Variants in ACTN1 observed in about 807,000 individuals in gnomAD.
ACTN1 encodes actinin alpha 1, also known as alpha-actinin-1.
ACTN1 carries 30 observed loss-of-function variants against 119.6 expected under a neutral mutation model. The ratio of observed to expected loss-of-function variants is 0.25; its 90% CI spans 0.19 to 0.34. The LOEUF is 0.34. Ranked by LOEUF, ACTN1 falls within the 10% of genes least tolerant of loss-of-function variation. ACTN1 has a pLI of 1.00. For missense variants in ACTN1, 764 were observed against 1,223.4 expected, an observed-to-expected ratio of 0.62 and a Z score of 5.60; for synonymous variants, 429 against 472.6, an observed-to-expected ratio of 0.91 and a Z score of 1.20.
At chr14:68,904,448 G>A (rs890134666) in intron 7 of ACTN1, among the ~76,000 whole-genome samples, 2 of 152,170 alleles carry the variant, frequency 1.3e-5, no homozygotes, top group African/African-American at 4.8e-5. Context: ...TAAGACCTTT[G>A]CAGAATCAAC....
In ACTN1 at chr14:68,909,709, G is replaced by A. The variant is rs2033887352; in HGVS notation, c.515+246C>T. On this transcript the variant is annotated intron_variant, in intron 5 of 21. Coordinates refer to ENST00000394419, the MANE Select transcript of ACTN1 (RefSeq NM_001130004.2). The surrounding 1 kb of genome is among the most constrained non-coding windows in gnomAD (Gnocchi z 4.1). ...GGGACTTCCTGGACAATTTCCTTGG[G>A]GGCGCTCCCAGTAGCAAAAGCATCA... Among the ~76,000 whole-genome samples the A allele has an allele frequency of 6.6e-6, 1 of 152,152 alleles. No individual in the cohort carries two copies. The highest frequency in any genetic ancestry group is 2.1e-4 in the South Asian group (1 of 4,822).
intron 16 of ACTN1, chr14:68,881,257 G>A (rs2031481734): frequency 2.5e-6 from 1 of 401,622 alleles, no homozygotes; most frequent in Non-Finnish European, 4.5e-6. Flanking sequence ...GCCTCAGAAA[G>A]GGGATGCAGG....
chr14:68,893,741 T>A lies in ACTN1; in HGVS notation c.769A>T (p.Thr257Ser). The A allele has an allele frequency of 6.2e-7, 1 of 1,613,836 alleles. No individual in the cohort carries two copies. Among genetic ancestry groups the A allele is most frequent in the Non-Finnish European group, 8.5e-7 (1 of 1,179,980 alleles). Residue 257 changes from threonine (T) to serine (S), a missense_variant, in exon 9 of 22, where the codon ACA becomes TCA. Physicochemically the swap from Thr to Ser is moderately conservative, Grantham distance 58. Coordinates refer to ENST00000394419, the MANE Select transcript of ACTN1 (RefSeq NM_001130004.2). ...HAFSGAQKAE[T>S]AANRICKVLA... is the part of the protein sequence containing the mutation. The stretch of plus-strand genomic sequence containing the variant: ...ACCTTGCAGATGCGATTGGCTGCTG[T>A]CTCCGCCTGGCAACAAGACAGAGAG...
chr14:68,901,188 ATTTTTTTTTTGTTTTATGG>A (rs2033288098), intron 8 of ACTN1, among the ~76,000 whole-genome samples: 1 of 130,020 alleles, frequency 7.7e-6, no homozygotes, highest in African/African-American at 2.8e-5. Context: ...CCCATCATGC[ATTTTTTTTTTGTTTTATGG>A]TTTTTTTTTG....
chr14:68,944,535 A>G (rs2035867859), intron 1 of ACTN1, among the ~76,000 whole-genome samples: 2 of 152,222 alleles, frequency 1.3e-5, no homozygotes, highest in Admixed American at 1.3e-4. Context: ...CCTGCAGTCT[A>G]ATGGAGAAGA....
At position 68,937,262 on chromosome 14, in the gene ACTN1, T is replaced by C. The variant is rs182430384; in HGVS notation, c.106-11590A>G. Among the ~76,000 whole-genome samples the C allele has an allele frequency of 3.3e-3, 496 of 152,256 alleles. 1 individual carries two copies. The highest frequency in any genetic ancestry group is 5.6e-3 in the Non-Finnish European group (380 of 68,030). On this transcript the variant is annotated intron_variant, in intron 1 of 21. Transcript: ENST00000394419. ...AAAAAAAAGAAAAAAGAAAAGTCTGTCTGGGAATATATACATTTAATTGTT... is the reference window on the plus strand; with the variant it reads ...AAAAAAAAGAAAAAAGAAAAGTCTGCCTGGGAATATATACATTTAATTGTT...
intron 1 of ACTN1, among the ~76,000 whole-genome samples, chr14:68,968,772 A>C (rs2036784195): frequency 6.6e-6 from 1 of 152,200 alleles, no homozygotes; most frequent in Admixed American, 6.5e-5. Context: ...TTTACCTCCT[A>C]CTAAGCCATC....
At position 68,874,941 on chromosome 14, in the gene ACTN1, G is replaced by A. The variant is rs77499007; in HGVS notation, c.2663C>T (p.Pro888Leu). The A allele has an allele frequency of 0.023, 37,192 of 1,613,318 alleles. 525 individuals are homozygous for A. The highest frequency in any genetic ancestry group is 0.025 in the Non-Finnish European group (30,039 of 1,179,582). Residue 888 changes from proline to leucine, a missense_variant, in exon 22 of 22, where the codon CCC becomes CTC. Physicochemically the swap from Pro to Leu is moderately conservative, Grantham distance 98. Coordinates refer to ENST00000394419, the MANE Select transcript of ACTN1 (RefSeq NM_001130004.2). ...TGGCACGGAGTCGGGGCCGGTGTAGGGGGCCATCCGCGCGATGCAGTACTC... is the reference window on the plus strand; with the variant it reads ...TGGCACGGAGTCGGGGCCGGTGTAGAGGGCCATCCGCGCGATGCAGTACTC... ...QAEYCIARMA[P>L]YTGPDSVPGA... is the part of the protein sequence containing the mutation.
At chr14:68,883,307 G>T in intron 14 of ACTN1, 1 of 460,196 alleles carries the variant, frequency 2.2e-6, no homozygotes, top group Non-Finnish European at 3.9e-6. Flanking sequence ...CCACCTCACA[G>T]GTCAGGGAGA....
Position 68,879,602 on chromosome 14 carries a change from A to AGGGGCC in ACTN1, c.2280+354_2280+359dup, listed in dbSNP as rs2031299086. Among the ~76,000 whole-genome samples the AGGGGCC allele has an allele frequency of 4.6e-5, 7 of 152,128 alleles. No individual in the cohort carries two copies. The highest frequency in any genetic ancestry group is 4.6e-4 in the Admixed American group (7 of 15,278). On this transcript the variant is annotated intron_variant, in intron 18 of 21. Transcript: ENST00000394419. The surrounding 1 kb of genome is among the most constrained non-coding windows in gnomAD (Gnocchi z 4.9). ...GGCCACTGGAGGTCGGGGTAGGGGT[A>AGGGGCC]GGGGCCAGCGAGGGCAGGAGGAGTC...
chr14:68,962,334 T>C (rs972383211), intron 1 of ACTN1, among the ~76,000 whole-genome samples: 1 of 152,086 alleles, frequency 6.6e-6, no homozygotes, highest in African/African-American at 2.4e-5. Flanking sequence ...AGTGAGCTCA[T>C]TCCCTTCCAG....
At chr14:68,899,110 TCCA>T (rs1241984820) in intron 8 of ACTN1, among the ~76,000 whole-genome samples, 1 of 62,544 alleles carries the variant, frequency 1.6e-5, no homozygotes, top group African/African-American at 6.6e-5. Context: ...ACCATACCCC[TCCA>T]CACCACAACC....
At chr14:68,922,460 C>T (rs1355790119) in intron 2 of ACTN1, among the ~76,000 whole-genome samples, 2 of 152,242 alleles carry the variant, frequency 1.3e-5, no homozygotes, top group Non-Finnish European at 2.9e-5. Context: ...TATTTCCTGT[C>T]CGGGGGGAGA....
At position 68,925,417 on chromosome 14, in the gene ACTN1, G is replaced by T. The variant is rs1256608621; in HGVS notation, c.220+141C>A. 2 of 378,134 alleles carry T rather than the reference G, an allele frequency of 5.3e-6. No homozygotes were observed. Among genetic ancestry groups the T allele is most frequent in the African/African-American group, 2.2e-5 (1 of 44,954 alleles). The allele number at this position is 378,134 out of a possible 1,614,324, so 23.4% of individuals were successfully genotyped here. Reference sequence around the variant, plus strand: ...CAGCAGAACCAGAACTCAGACCCACGCTCCTAGGATGAATTCATACATGTC... The same window carrying T: ...CAGCAGAACCAGAACTCAGACCCACTCTCCTAGGATGAATTCATACATGTC... On this transcript the variant is annotated intron_variant, in intron 2 of 21. Transcript: ENST00000394419. This position sits in a 1 kb window ranked among gnomAD's most constrained non-coding sequence, Gnocchi z 4.3.
At chr14:68,891,182 A>G (rs127850) in intron 10 of ACTN1, among the ~76,000 whole-genome samples, 79,886 of 151,484 alleles carry the variant, frequency 0.53, 21,977 homozygotes, top group East Asian at 0.85. Flanking sequence ...TCATGTGCCC[A>G]TGACACTCCT....
chr14:68,902,400 G>T, intron 8 of ACTN1, 77 bp downstream of exon 8: 1 of 1,225,136 alleles, frequency 8.2e-7, no homozygotes, highest in South Asian at 1.2e-5. Context: ...AGGAGAGGTG[G>T]AGGCGGGCAG....
rs1373899213 is a variant in ACTN1 at position 68,878,904 on chromosome 14, G to C, written c.2361+85C>G. 6.2e-7 allele frequency: 1 copy of C among 1,604,118 alleles called. No homozygotes were observed. Among genetic ancestry groups the C allele is most frequent in the Non-Finnish European group, 8.5e-7 (1 of 1,178,840 alleles). On this transcript the variant is annotated intron_variant, in intron 19 of 21. Transcript: ENST00000394419. This position sits in a 1 kb window ranked among gnomAD's most constrained non-coding sequence, Gnocchi z 4.4. ...CCACAGGAGGGGGACAGGAGATCCA[G>C]ACAGAGAGAAGAGAAAAAGGAAAAA...
At chr14:68,876,470 C>A (rs145076468) in intron 21 of ACTN1, among the ~76,000 whole-genome samples, 1 of 151,788 alleles carries the variant, frequency 6.6e-6, no homozygotes, top group Non-Finnish European at 1.5e-5. Context: ...GGTCCCTGGG[C>A]TGGAGATGGC....
chr14:68,875,005 T>C lies in ACTN1; in HGVS notation c.2599A>G (p.Met867Val), dbSNP rs766310248. ...ILAGDKNYIT[M>V]DELRRELPPD... ...GGCAGCTCGCGGCGCAGCTCGTCCA[T>C]GGTAATGTAGTTCTGCGAGGAGAGA... The change falls in exon 22 of 22, where the codon ATG becomes GTG. Residue 867 changes from methionine (M) to valine (V), a missense_variant. By Grantham distance (21) the Met-to-Val change is conservative. Transcript: ENST00000394419. 5.0e-6 allele frequency: 8 copies of C among 1,613,280 alleles called. No homozygotes were observed. The highest frequency in any genetic ancestry group is 1.6e-4 in the Middle Eastern group (1 of 6,084).
Sources: allele counts gnomAD v4.1 joint callset (sites outside exome capture counted in the v4.1 genomes callset), GRCh38; gene constraint gnomAD v4.1.1; non-coding constraint Gnocchi (gnomAD v3.1); transcripts MANE v1.5; gene names NCBI Gene and HGNC (gene_info 2026-07-23, HGNC 2026-07-21).